Variants in ANK2 observed in about 807,000 individuals in gnomAD.
ANK2 encodes the protein ankyrin 2.
Under a neutral mutation model 360.5 loss-of-function variants are expected in ANK2, and 83 were observed. The observed-to-expected ratio is 0.23, with a 90% CI of 0.19 to 0.28. The LOEUF is 0.28. Ranked by LOEUF, ANK2 falls within the 10% of genes least tolerant of loss-of-function variation. The pLI is 1.00. For missense variants in ANK2, 4,201 were observed against 4,795.7 expected (o/e 0.88, Z 3.66); for synonymous variants, 1,740 against 1,759.5 (o/e 0.99, Z 0.28).
chr4:113,176,256 A>T (rs1321650605), intron 2 of ANK2, among the ~76,000 whole-genome samples: 2 of 152,162 alleles, frequency 1.3e-5, no homozygotes, highest in Non-Finnish European at 2.9e-5. Flanking sequence ...TTTGTTTCTC[A>T]CCCAGAAGAC....
At chr4:112,755,113 A>G in the ANK2 span, among the ~76,000 whole-genome samples, 4 of 152,254 alleles carry the variant, frequency 2.6e-5, no homozygotes, top group African/African-American at 9.6e-5. Flanking sequence ...CTGCTTCCGC[A>G]CCTCAATCCT....
At chr4:113,119,292 A>G (rs1318281487) in intron 1 of ANK2, among the ~76,000 whole-genome samples, 1 of 152,064 alleles carries the variant, frequency 6.6e-6, no homozygotes, top group Non-Finnish European at 1.5e-5. Flanking sequence ...TTTCTACTGC[A>G]GATATTTACA....
At chr4:112,935,132 T>G (rs2093623843) in intron 2 of ANK2, among the ~76,000 whole-genome samples, 1 of 151,988 alleles carries the variant, frequency 6.6e-6, no homozygotes, top group Non-Finnish European at 1.5e-5. Flanking sequence ...TGTGTGTGTG[T>G]GTGTGTGTGT....
the ANK2 span, among the ~76,000 whole-genome samples, chr4:112,762,645 G>A: frequency 6.6e-6 from 1 of 152,192 alleles, no homozygotes; most frequent in African/African-American, 2.4e-5. Flanking sequence ...GAATAGCTGG[G>A]ACTACAGGCC....
the ANK2 span, among the ~76,000 whole-genome samples, chr4:112,736,784 G>A: frequency 2.6e-5 from 4 of 152,164 alleles, no homozygotes; most frequent in Non-Finnish European, 5.9e-5. Flanking sequence ...ACTGGTTGGG[G>A]GGCTGTCATG....
intron 23 of ANK2, 72 bp from the exon 24 acceptor site, chr4:113,311,183 A>G (rs2079768157): frequency 1.3e-6 from 2 of 1,592,374 alleles, no homozygotes; most frequent in Non-Finnish European, 1.7e-6. Flanking sequence ...TGCATTTCAC[A>G]ATCATGACCA....
chr4:113,115,733 G>A (rs764774945), intron 1 of ANK2, among the ~76,000 whole-genome samples: 1 of 152,012 alleles, frequency 6.6e-6, no homozygotes, highest in Non-Finnish European at 1.5e-5. Flanking sequence ...GAGACTTTAC[G>A]TTCTTCATTT....
chr4:113,287,647 G>A lies in ANK2; in HGVS notation c.2122G>A (p.Val708Met), dbSNP rs36210416. The change falls in exon 19 of 46, where the codon GTG becomes ATG. Residue 708 changes from valine to methionine, a missense_variant. Around this residue, in one of 4 missense-constraint regions of ANK2, gnomAD observed 1,268 missense variants for 1,650.8 expected, o/e 0.77. Coordinates refer to ENST00000357077, the MANE Select transcript of ANK2 (RefSeq NM_001148.6). ...ACACCTTGCAGCCCAGGAAGATAAAGTGAATGTTGCTGATATTCTCACCAA... is the reference window on the plus strand; with the variant it reads ...ACACCTTGCAGCCCAGGAAGATAAAATGAATGTTGCTGATATTCTCACCAA... ...SLHLAAQEDKVNVADILTKHG... is the reference protein window; with the variant it reads ...SLHLAAQEDKMNVADILTKHG... 4.3e-6 allele frequency: 7 copies of A among 1,613,650 alleles called. No individual in the cohort carries two copies. Among genetic ancestry groups the A allele is most frequent in the Non-Finnish European group, 5.9e-6 (7 of 1,179,600 alleles).
intron 1 of ANK2, among the ~76,000 whole-genome samples, chr4:113,087,042 A>T (rs906902645): frequency 2.6e-5 from 4 of 152,226 alleles, no homozygotes; most frequent in Admixed American, 2.0e-4. Flanking sequence ...AAAAGGTTAC[A>T]TTCAAATAGG....
At chr4:113,261,291 C>T (rs1457558728) in intron 13 of ANK2, among the ~76,000 whole-genome samples, 1 of 152,062 alleles carries the variant, frequency 6.6e-6, no homozygotes, top group Non-Finnish European at 1.5e-5. Context: ...CCAAAGTATT[C>T]ATCAATAACC....
At chr4:112,948,283 A>AT (rs548825610) in intron 2 of ANK2, among the ~76,000 whole-genome samples, 74 of 152,338 alleles carry the variant, frequency 4.9e-4, no homozygotes, top group African/African-American at 1.7e-3. Flanking sequence ...TGGAGAAGCC[A>AT]TATGTATATA....
Position 112,828,232 on chromosome 4 carries a change from C to CTTTTT in ANK2, c.-40+9984_-40+9988dup, listed in dbSNP as rs751771907. Among the ~76,000 whole-genome samples the CTTTTT allele has an allele frequency of 4.3e-3, 467 of 109,568 alleles. 21 individuals carry two copies. Among genetic ancestry groups the CTTTTT allele is most frequent in the African/African-American group, 0.011 (309 of 28,044 alleles). The allele number at this position is 109,568 out of a possible 152,430, so 71.9% of individuals were successfully genotyped here. ...AAATCAACTCAAGATGAATTACGGACTTTTTTTTTTTTTTTTTTTTGAGAC... is the reference window on the plus strand; with the variant it reads ...AAATCAACTCAAGATGAATTACGGACTTTTTTTTTTTTTTTTTTTTTTTTTGAGAC... On this transcript the variant is annotated intron_variant, in intron 1 of 30. Coordinates refer to the ANK2 transcript ENST00000503271.
chr4:113,192,572 G>A (rs12639681), intron 2 of ANK2, among the ~76,000 whole-genome samples: 59,150 of 151,978 alleles, frequency 0.39, 11,804 homozygotes, highest in Non-Finnish European at 0.43. Context: ...GCATGGGTCT[G>A]GAAATCAGAT....
intron 4 of ANK2, among the ~76,000 whole-genome samples, chr4:113,212,923 TC>T (rs1334754111): frequency 2.0e-5 from 3 of 152,216 alleles, no homozygotes; most frequent in Non-Finnish European, 2.9e-5. Flanking sequence ...CTGGCTTGTT[TC>T]ACAACCTCCT....
At chr4:113,267,567 T>TA (rs1326118602) in intron 14 of ANK2, among the ~76,000 whole-genome samples, 2 of 152,204 alleles carry the variant, frequency 1.3e-5, no homozygotes, top group East Asian at 3.8e-4. Context: ...TGTAGATGTG[T>TA]GGCATTTTTT....
In ANK2 at chr4:112,974,871, G is replaced by T. The variant is rs183144986; in HGVS notation, c.21+70357G>T. ...AGAAAAAAAAAAAAAGTGAACACAG[G>T]CGTGGCCTATGCCTGCTTGAAAGTA... is the stretch of plus-strand genomic sequence containing the variant. On this transcript the variant is annotated intron_variant, in intron 2 of 30. Coordinates refer to the ANK2 transcript ENST00000503271. Among the ~76,000 whole-genome samples, 415 of 151,958 alleles carry T rather than the reference G, an allele frequency of 2.7e-3. 2 individuals carry two copies. Among genetic ancestry groups the T allele is most frequent in the African/African-American group, 9.7e-3 (404 of 41,458 alleles).
chr4:112,864,875 A>G (rs1031713069), intron 1 of ANK2, among the ~76,000 whole-genome samples: 1 of 151,058 alleles, frequency 6.6e-6, no homozygotes, highest in African/African-American at 2.4e-5. Context: ...TACTAAAAAT[A>G]CAAAAAATTA....
At chr4:113,344,858 T>C (rs2094659515) in intron 34 of ANK2, among the ~76,000 whole-genome samples, 1 of 152,150 alleles carries the variant, frequency 6.6e-6, no homozygotes, top group South Asian at 2.1e-4. Flanking sequence ...TTTTGACCTC[T>C]CCTCGAAGTG....
chr4:112,874,380 G>A (rs1445852587), intron 1 of ANK2, among the ~76,000 whole-genome samples: 2 of 150,416 alleles, frequency 1.3e-5, no homozygotes, highest in African/African-American at 4.9e-5. Context: ...ACTGCAACTG[G>A]CCCACACTTT....
Sources: allele counts gnomAD v4.1 joint callset (sites outside exome capture counted in the v4.1 genomes callset), GRCh38; gene constraint gnomAD v4.1.1; regional missense constraint gnomAD v4.1.1; transcripts MANE v1.5; gene names NCBI Gene and HGNC (gene_info 2026-07-23, HGNC 2026-07-21).